Variants in TBL1XR1 observed in about 807,000 individuals in gnomAD.
The protein encoded by TBL1XR1 is TBL1X/Y related 1.
TBL1XR1 carries 5 observed loss-of-function variants against 66.9 expected under a neutral mutation model. The ratio of observed to expected loss-of-function variants is 0.07; its 90% CI spans 0.04 to 0.16. The LOEUF (loss-of-function observed/expected upper bound fraction) is 0.16, where lower values mean the gene tolerates loss of function less well. Among genes scored for constraint, TBL1XR1 ranks in the 10% least tolerant of loss-of-function variants. The pLI is 1.00. For synonymous variants in TBL1XR1, 210 were observed against 206.0 expected, an observed-to-expected ratio of 1.02 and a Z score of -0.17; for missense variants, 238 against 623.2, an observed-to-expected ratio of 0.38 and a Z score of 6.58.
At chr3:177,058,821 T>C (rs768847969) in intron 3 of TBL1XR1, among the ~76,000 whole-genome samples, 5 of 152,206 alleles carry the variant, frequency 3.3e-5, no homozygotes, top group Non-Finnish European at 7.3e-5. Context: ...TAAAGGACCA[T>C]TGTCCCTTTG....
chr3:177,172,672 G>A (rs7641759), intron 1 of TBL1XR1, among the ~76,000 whole-genome samples: 3,149 of 109,598 alleles, frequency 0.029, 138 homozygotes, highest in African/African-American at 0.086. Context: ...AGAAGGGAGG[G>A]GAGGGGAGGG....
At chr3:177,185,955 G>C (rs1428827161) in intron 1 of TBL1XR1, among the ~76,000 whole-genome samples, 1 of 152,142 alleles carries the variant, frequency 6.6e-6, no homozygotes, top group Non-Finnish European at 1.5e-5. Context: ...AGGGTAAAGT[G>C]AGCCATGTTC....
chr3:177,200,273 C>T (rs1201317157), upstream of TBL1XR1, among the ~76,000 whole-genome samples: 1 of 152,004 alleles, frequency 6.6e-6, no homozygotes, highest in Non-Finnish European at 1.5e-5. Flanking sequence ...TGCCCGGCAG[C>T]CTGGAGTGTT....
At chr3:177,025,806 A>C (rs1713034366) in intron 15 of TBL1XR1, among the ~76,000 whole-genome samples, 3 of 152,214 alleles carry the variant, frequency 2.0e-5, no homozygotes, top group Admixed American at 2.0e-4. Context: ...CTCAAAACAG[A>C]CCATTTCCTA....
intron 9 of TBL1XR1, among the ~76,000 whole-genome samples, chr3:177,046,635 A>T (rs1048091248): frequency 6.6e-6 from 1 of 152,204 alleles, no homozygotes; most frequent in Non-Finnish European, 1.5e-5. Flanking sequence ...GCAAGAACCT[A>T]AAGTATTGTC....
intron 1 of TBL1XR1, among the ~76,000 whole-genome samples, chr3:177,118,049 TTG>T (rs1726522923): frequency 6.6e-6 from 1 of 152,208 alleles, no homozygotes; most frequent in African/African-American, 2.4e-5. Flanking sequence ...AGTATACGAA[TTG>T]TGACTTTCTT....
intron 1 of TBL1XR1, among the ~76,000 whole-genome samples, chr3:177,108,789 C>A (rs1448164059): frequency 3.3e-5 from 5 of 151,996 alleles, no homozygotes; most frequent in African/African-American, 1.2e-4. Flanking sequence ...AAGAAACAGA[C>A]AATAAAGACA....
intron 12 of TBL1XR1, among the ~76,000 whole-genome samples, chr3:177,036,448 G>C (rs929078652): frequency 1.3e-5 from 2 of 152,132 alleles, no homozygotes; most frequent in African/African-American, 4.8e-5. Flanking sequence ...AATCCTTTGT[G>C]ACATTTAAAC....
intron 14 of TBL1XR1, chr3:177,027,506 T>C (rs967484068): frequency 2.6e-5 from 4 of 152,234 alleles, no homozygotes; most frequent in African/African-American, 9.6e-5. Flanking sequence ...TCAGAGGTCC[T>C]GTTATGAAAA....
chr3:177,077,605 C>T (rs1336291016), intron 2 of TBL1XR1, among the ~76,000 whole-genome samples: 2 of 152,098 alleles, frequency 1.3e-5, no homozygotes, highest in African/African-American at 4.8e-5. Context: ...TTCCAAAGTA[C>T]CTATCTAGCC....
intron 1 of TBL1XR1, among the ~76,000 whole-genome samples, chr3:177,166,857 G>GTGAAGA (rs1454134335): frequency 1.3e-5 from 2 of 152,192 alleles, no homozygotes; most frequent in African/African-American, 4.8e-5. Context: ...CCAAATGCTG[G>GTGAAGA]TGAAGATGTG....
intron 1 of TBL1XR1, among the ~76,000 whole-genome samples, chr3:177,188,121 G>A (rs955123088): frequency 5.3e-5 from 8 of 151,746 alleles, no homozygotes; most frequent in Non-Finnish European, 1.0e-4. Flanking sequence ...TAGTAGAGAC[G>A]GGGTTTTACC....
At chr3:177,075,616 T>C (rs2108583338) in intron 2 of TBL1XR1, among the ~76,000 whole-genome samples, 1 of 152,318 alleles carries the variant, frequency 6.6e-6, no homozygotes, top group Non-Finnish European at 1.5e-5. Flanking sequence ...TTTGAAGGTA[T>C]GTTTCCCAAT....
intron 2 of TBL1XR1, among the ~76,000 whole-genome samples, chr3:177,084,539 T>C (rs1721889699): frequency 1.3e-5 from 2 of 152,260 alleles, no homozygotes; most frequent in South Asian, 4.1e-4. Flanking sequence ...ATACAGCAAC[T>C]TGATAATCCT....
chr3:177,179,431 G>A (rs751498554), intron 1 of TBL1XR1, among the ~76,000 whole-genome samples: 10 of 152,150 alleles, frequency 6.6e-5, no homozygotes, highest in South Asian at 4.1e-4. Flanking sequence ...ACAGACACAC[G>A]CTGGAGCACA....
At chr3:177,156,248 C>G (rs1270060509) in intron 1 of TBL1XR1, among the ~76,000 whole-genome samples, 4 of 146,432 alleles carry the variant, frequency 2.7e-5, no homozygotes, top group Admixed American at 6.8e-5. Flanking sequence ...CGCCTGTAAT[C>G]TAAGCACTTT....
chr3:177,113,260 AAAATT>A (rs1422525591), intron 1 of TBL1XR1, among the ~76,000 whole-genome samples: 1 of 152,208 alleles, frequency 6.6e-6, no homozygotes, highest in Non-Finnish European at 1.5e-5. Context: ...TCAAAACTAG[AAAATT>A]ACTAAAAGAA....
chr3:177,097,757 G>C lies in TBL1XR1; in HGVS notation c.-46+709C>G, dbSNP rs558343859. Among the ~76,000 whole-genome samples the C allele has an allele frequency of 7.2e-5, 11 of 152,242 alleles. No individual in the cohort carries two copies. In the East Asian group the frequency reaches 2.1e-3, roughly 29 times the overall value. On this transcript the variant is annotated intron_variant, in intron 2 of 15. Transcript: ENST00000457928. Reference sequence around the variant, plus strand: ...AACAATCTATTTCAGTGAAATTATGGACAAAAATAGAAGAGCAAAATGCCA... The same window carrying C: ...AACAATCTATTTCAGTGAAATTATGCACAAAAATAGAAGAGCAAAATGCCA...
intron 2 of TBL1XR1, among the ~76,000 whole-genome samples, chr3:177,070,573 G>A (rs1384558611): frequency 6.6e-6 from 1 of 152,198 alleles, no homozygotes; most frequent in Non-Finnish European, 1.5e-5. Context: ...AATTGGCCAG[G>A]TGCGGTGGCT....
Sources: allele counts gnomAD v4.1 joint callset (sites outside exome capture counted in the v4.1 genomes callset), GRCh38; gene constraint gnomAD v4.1.1; transcripts MANE v1.5; gene names NCBI Gene and HGNC (gene_info 2026-07-23, HGNC 2026-07-21).